The following C2orf76 variants were observed in gnomAD, a reference collection of about 807,000 sequenced individuals.
C2orf76 encodes chromosome 2 open reading frame 76.
Under a neutral mutation model 16.9 loss-of-function variants are expected in C2orf76, and 23 were observed. That is an observed-to-expected ratio of 1.36 (90% CI 0.98 to 1.93). The LOEUF (loss-of-function observed/expected upper bound fraction) is 1.93. Ranked by LOEUF, C2orf76 falls within the 30% of genes most tolerant of loss-of-function variation. The pLI is 0.00. For missense variants in C2orf76, 152 were observed against 152.6 expected, an observed-to-expected ratio of 1.00 and a Z score of 0.02; for synonymous variants, 48 against 52.3, an observed-to-expected ratio of 0.92 and a Z score of 0.35.
At chr2:119,364,456 G>A (rs1680859458) in intron 1 of C2orf76, among the ~76,000 whole-genome samples, 1 of 152,098 alleles carries the variant, frequency 6.6e-6, no homozygotes, top group African/African-American at 2.4e-5. Context: ...TTTACATTCA[G>A]TTCTAACAAA....
intron 2 of C2orf76, among the ~76,000 whole-genome samples, chr2:119,328,409 A>T (rs1418618117): frequency 6.6e-6 from 1 of 152,120 alleles, no homozygotes; most frequent in African/African-American, 2.4e-5. Flanking sequence ...TAAATTGTTA[A>T]GAATATTCCT....
chr2:119,348,081 T>C (rs959545548), intron 1 of C2orf76, among the ~76,000 whole-genome samples: 2 of 151,556 alleles, frequency 1.3e-5, no homozygotes, highest in African/African-American at 2.4e-5. Flanking sequence ...TACTAGACCA[T>C]TGTTAACTGT....
At chr2:119,285,708 G>C in the C2orf76 span, among the ~76,000 whole-genome samples, 32 of 152,208 alleles carry the variant, frequency 2.1e-4, no homozygotes, top group Admixed American at 2.0e-3. Context: ...GAGTTACCTG[G>C]ATATTATTGC....
At chr2:119,305,320 A>C (rs1678742443) in intron 5 of C2orf76, among the ~76,000 whole-genome samples, 1 of 152,180 alleles carries the variant, frequency 6.6e-6, no homozygotes, top group Non-Finnish European at 1.5e-5. Flanking sequence ...CACAACTTTA[A>C]CAGGAACATA....
intron 1 of C2orf76, among the ~76,000 whole-genome samples, chr2:119,343,622 A>G (rs1680105436): frequency 6.6e-6 from 1 of 152,146 alleles, no homozygotes; most frequent in Non-Finnish European, 1.5e-5. Context: ...ATATATAAAT[A>G]AGAATTCCTT....
intron 2 of C2orf76, among the ~76,000 whole-genome samples, chr2:119,331,726 A>G (rs1454425714): frequency 2.6e-5 from 4 of 152,288 alleles, no homozygotes; most frequent in African/African-American, 9.6e-5. Context: ...ATCCCAGGGA[A>G]ATGATTGTTT....
At chr2:119,313,652 G>A (rs1181307314) in intron 4 of C2orf76, among the ~76,000 whole-genome samples, 1 of 151,986 alleles carries the variant, frequency 6.6e-6, no homozygotes, top group South Asian at 2.1e-4. Context: ...AGTTCTCCAA[G>A]CATATATGAA....
At chr2:119,300,835 T>C (rs569624903), downstream of C2orf76, among the ~76,000 whole-genome samples, 1 of 152,342 alleles carries the variant, frequency 6.6e-6, no homozygotes, top group Admixed American at 6.5e-5. Flanking sequence ...GGGTACTCAG[T>C]GTTTCTACTG....
intron 1 of C2orf76, among the ~76,000 whole-genome samples, chr2:119,349,196 T>C (rs756570682): frequency 6.6e-6 from 1 of 152,248 alleles, no homozygotes; most frequent in South Asian, 2.1e-4. Flanking sequence ...TTTGATGTTT[T>C]ACCAATCATG....
intron 2 of C2orf76, 110 bp downstream of exon 2, chr2:119,339,717 C>T (rs992372884): frequency 1.6e-6 from 2 of 1,236,416 alleles, no homozygotes; most frequent in Admixed American, 4.4e-5. Context: ...GCTTGGAACC[C>T]AGGTTAATCT....
At chr2:119,311,527 T>C in intron 5 of C2orf76, 95 bp downstream of exon 5, 2 of 1,508,744 alleles carry the variant, frequency 1.3e-6, no homozygotes, top group South Asian at 1.3e-5. Context: ...AAGGACAGCA[T>C]TTACTTTCCA....
At chr2:119,330,804 T>C (rs1042807057) in intron 2 of C2orf76, among the ~76,000 whole-genome samples, 2 of 29,704 alleles carry the variant, frequency 6.7e-5, no homozygotes, top group African/African-American at 3.3e-4. Context: ...AGTTGACTAA[T>C]TTTTTTCTCC....
intron 1 of C2orf76, among the ~76,000 whole-genome samples, chr2:119,353,273 T>C (rs1322445238): frequency 6.6e-6 from 1 of 152,230 alleles, no homozygotes; most frequent in Non-Finnish European, 1.5e-5. Flanking sequence ...AGATGAATGA[T>C]AAATGCTCAC....
In C2orf76 at chr2:119,323,492, T is replaced by A. The variant is rs1330842214; in HGVS notation, c.134-2288A>T. Among the ~76,000 whole-genome samples the A allele has an allele frequency of 3.9e-5, 6 of 152,186 alleles. No individual in the cohort carries two copies. The East Asian group carries it at 1.2e-3, about 29-fold the overall frequency. On this transcript the variant is annotated intron_variant, in intron 2 of 5. Transcript: ENST00000334816. ...CAGCGTGTGCTCCAGTGGTGAATGCTGTAACAAAAGTACGTTTCCAGCCAG... is the reference window on the plus strand; with the variant it reads ...CAGCGTGTGCTCCAGTGGTGAATGCAGTAACAAAAGTACGTTTCCAGCCAG...
rs764289847 is a variant in C2orf76, at chr2:119,339,940, G to A, written c.20C>T (p.Thr7Ile). The A allele has an allele frequency of 1.2e-6, 2 of 1,612,004 alleles. No individual in the cohort carries two copies. Among genetic ancestry groups the A allele is most frequent in the South Asian group, 2.2e-5 (2 of 91,006 alleles). Reference sequence around the variant, plus strand: ...GGAACGGATGAGGCGAACTGTGATGGTCACTTCTCCAGGAGCCATGTGAAG... The same window carrying A: ...GGAACGGATGAGGCGAACTGTGATGATCACTTCTCCAGGAGCCATGTGAAG... Reference protein sequence around the residue: MAPGEVTITVRLIRSFE... With the variant: MAPGEVIITVRLIRSFE... Residue 7 changes from threonine to isoleucine, a missense_variant, in exon 2 of 6, where the codon ACC becomes ATC. By Grantham distance (89) the Thr-to-Ile change is moderately conservative. Transcript: ENST00000334816.
At chr2:119,352,854 T>C (rs1217154698) in intron 1 of C2orf76, among the ~76,000 whole-genome samples, 1 of 152,206 alleles carries the variant, frequency 6.6e-6, no homozygotes, top group Non-Finnish European at 1.5e-5. Flanking sequence ...CGTATGTATG[T>C]ATATGTAATC....
At chr2:119,291,475 T>C in the C2orf76 span, among the ~76,000 whole-genome samples, 27 of 151,624 alleles carry the variant, frequency 1.8e-4, no homozygotes, top group Middle Eastern at 3.4e-3. Context: ...TTGGGGAAAA[T>C]TGCAACCAGA....
chr2:119,346,313 T>C (rs548750271), intron 1 of C2orf76, among the ~76,000 whole-genome samples: 1 of 152,220 alleles, frequency 6.6e-6, no homozygotes. Flanking sequence ...CAAAAAGTTA[T>C]GTTAACACAA....
chr2:119,302,893 T>C (rs1678659369), intron 5 of C2orf76, among the ~76,000 whole-genome samples: 1 of 152,134 alleles, frequency 6.6e-6, no homozygotes, highest in Non-Finnish European at 1.5e-5. Flanking sequence ...ATAAAAAACC[T>C]TGATTTTTTT....
Sources: gnomAD v4.1 joint callset for allele counts (sites outside exome capture counted in the v4.1 genomes callset) on GRCh38, gnomAD v4.1.1 for gene constraint, MANE v1.5 for transcripts, NCBI Gene and HGNC (gene_info 2026-07-23, HGNC 2026-07-21) for gene names.